VANGL1: variants seen among roughly 807,000 people sequenced by gnomAD.
VANGL1 encodes the protein vang-like protein 1.
Under a neutral mutation model 48.4 loss-of-function variants are expected in VANGL1, and 18 were observed. The ratio of observed to expected loss-of-function variants is 0.37; its 90% CI spans 0.26 to 0.55. VANGL1 has a LOEUF of 0.55. Ranked by LOEUF, VANGL1 falls within the 20% of genes least tolerant of loss-of-function variation. The pLI is 0.81. For missense variants in VANGL1, 667 were observed against 675.8 expected (o/e 0.99, Z 0.14); for synonymous variants, 257 against 261.8 (o/e 0.98, Z 0.18).
intron 3 of VANGL1, among the ~76,000 whole-genome samples, chr1:115,661,287 G>A (rs1652536340): frequency 6.6e-6 from 1 of 151,958 alleles, no homozygotes; most frequent in Non-Finnish European, 1.5e-5. Flanking sequence ...CATGTTTTAG[G>A]CATACATGTG....
chr1:115,678,636 A>G (rs1286034379), intron 4 of VANGL1, among the ~76,000 whole-genome samples: 2 of 152,144 alleles, frequency 1.3e-5, no homozygotes, highest in African/African-American at 4.8e-5. Flanking sequence ...CTTAAATCAT[A>G]TATCACATAG....
chr1:115,674,180 G>C (rs1031586077), intron 4 of VANGL1, among the ~76,000 whole-genome samples: 2 of 152,126 alleles, frequency 1.3e-5, no homozygotes, highest in African/African-American at 4.8e-5. Context: ...GTTGTCCCTG[G>C]TGTGACCATC....
chr1:115,671,646 G>A (rs973576899), intron 4 of VANGL1, among the ~76,000 whole-genome samples: 4 of 152,180 alleles, frequency 2.6e-5, no homozygotes, highest in Admixed American at 6.5e-5. Context: ...AATTTAAGAC[G>A]TGGAGAGAGC....
At chr1:115,690,719 A>C (rs1653798604) in intron 7 of VANGL1, among the ~76,000 whole-genome samples, 1 of 152,234 alleles carries the variant, frequency 6.6e-6, no homozygotes, top group South Asian at 2.1e-4. Flanking sequence ...GGCCCGACAC[A>C]GCCCTGGCCC....
intron 7 of VANGL1, among the ~76,000 whole-genome samples, chr1:115,686,031 T>C (rs1459920315): frequency 6.6e-6 from 1 of 152,106 alleles, no homozygotes; most frequent in African/African-American, 2.4e-5. Context: ...AAAAAACAGC[T>C]ACCAAATGTT....
At chr1:115,682,735 G>A (rs748477907) in intron 5 of VANGL1, among the ~76,000 whole-genome samples, 40 of 152,268 alleles carry the variant, frequency 2.6e-4, no homozygotes, top group Admixed American at 6.5e-4. Flanking sequence ...AAACAGCAGC[G>A]GTGTGTGTTT....
In VANGL1 at chr1:115,685,440, G is replaced by A. The variant is rs1372323853; in HGVS notation, c.1227G>A (p.Leu409=). 6.2e-7 allele frequency: 1 copy of A among 1,614,130 alleles called. No homozygotes were observed. The highest frequency in any genetic ancestry group is 1.7e-5 in the Admixed American group (1 of 60,022). ...TGGCCAGGGCTCTCCAGAAGTACCT[G>A]CGCATCACCCGGCAGCAGAACTACC... The part of the protein sequence containing the change: ...PSMARALQKY[L]RITRQQNYHS... The change falls in exon 7 of 8, where the codon CTG becomes CTA. Residue 409 remains leucine, a synonymous_variant. Coordinates refer to ENST00000355485, the MANE Select transcript of VANGL1 (RefSeq NM_138959.3).
At chr1:115,682,311 A>G in intron 4 of VANGL1, 53 bp from the exon 5 acceptor site, 1 of 1,609,200 alleles carries the variant, frequency 6.2e-7, no homozygotes, top group Non-Finnish European at 8.5e-7. Context: ...TTCGTTTAGG[A>G]CCTGCTTCTT....
Position 115,691,146 on chromosome 1 carries a change from G to A in VANGL1, c.1342G>A (p.Gly448Ser). 1 of 1,614,142 alleles carries A rather than the reference G, an allele frequency of 6.2e-7. No homozygotes were observed. ...KAFLERYLSA[G>S]PTLQYDKDRW... The stretch of plus-strand genomic sequence containing the variant: ...CTTCCTAGAACGGTACCTCAGTGCG[G>A]GCCCCACCCTGCAATATGACAAGGA... The change falls in exon 8 of 8, where the codon GGC (glycine) becomes AGC (serine). Residue 448 changes from glycine (G) to serine (S), a missense_variant. Physicochemically the swap from Gly to Ser is moderately conservative, Grantham distance 56. Coordinates refer to ENST00000355485, the MANE Select transcript of VANGL1 (RefSeq NM_138959.3).
In VANGL1 at chr1:115,691,527, C is replaced by A; in HGVS notation, c.*148C>A. 1 of 917,244 alleles carries A rather than the reference C, an allele frequency of 1.1e-6. No individual in the cohort carries two copies. Among genetic ancestry groups the A allele is most frequent in the Non-Finnish European group, 1.6e-6 (1 of 634,052 alleles). 56.8% of individuals were successfully genotyped at this position (917,244 alleles called of 1,614,324 possible). ...TTGACCAGTATCCTTTGACCATCTG[C>A]ACTTTATTTGGAAGGAAGCAGGGGC... On this transcript the variant is annotated 3_prime_UTR_variant, in exon 8 of 8. Coordinates refer to ENST00000355485, the MANE Select transcript of VANGL1 (RefSeq NM_138959.3).
In VANGL1 at chr1:115,694,799, A is replaced by T. The variant is rs868488739; in HGVS notation, c.*3420A>T. ...TTTCTCTGAGTGTATTACCAGACGG[A>T]TAGCACATTTATATGTCAGACATCT... On this transcript the variant is annotated 3_prime_UTR_variant, in exon 8 of 8. Coordinates refer to ENST00000355485, the MANE Select transcript of VANGL1 (RefSeq NM_138959.3). 1 of 152,206 alleles carries T rather than the reference A, an allele frequency of 6.6e-6. No homozygotes were observed. Among genetic ancestry groups the T allele is most frequent in the African/African-American group, 2.4e-5 (1 of 41,442 alleles). 9.4% of individuals were successfully genotyped at this position (152,206 alleles called of 1,614,324 possible). A position where few individuals can be genotyped will look rare whatever the true frequency, so the allele number is the denominator to read the frequency against.
Position 115,693,787 on chromosome 1 carries a change from A to G in VANGL1, c.*2408A>G, listed in dbSNP as rs1301546698. On this transcript the variant is annotated 3_prime_UTR_variant, in exon 8 of 8. Coordinates refer to ENST00000355485, the MANE Select transcript of VANGL1 (RefSeq NM_138959.3). ...AAGATTTAAGGTTTCAGAAAGCTGCATCCCACAATTGAACACAATGCATTT... is the reference window on the plus strand; with the variant it reads ...AAGATTTAAGGTTTCAGAAAGCTGCGTCCCACAATTGAACACAATGCATTT... The G allele has an allele frequency of 6.6e-6, 1 of 152,252 alleles. No homozygotes were observed. Among genetic ancestry groups the G allele is most frequent in the Non-Finnish European group, 1.5e-5 (1 of 68,044 alleles). The allele number at this position is 152,252 out of a possible 1,614,324, so 9.4% of individuals were successfully genotyped here. A position where few individuals can be genotyped will look rare whatever the true frequency, so the allele number is the denominator to read the frequency against.
At chr1:115,642,257 T>TCC (rs1328158593) in intron 1 of VANGL1, among the ~76,000 whole-genome samples, 171 bp downstream of exon 1, 1 of 151,676 alleles carries the variant, frequency 6.6e-6, no homozygotes, top group Non-Finnish European at 1.5e-5. Flanking sequence ...GGGGGCTCCC[T>TCC]CCCCTCCTCC....
chr1:115,648,597 T>C (rs957841525), intron 1 of VANGL1, among the ~76,000 whole-genome samples: 7 of 152,184 alleles, frequency 4.6e-5, no homozygotes, highest in Admixed American at 3.3e-4. Context: ...AAAACTTGGG[T>C]TACCATGTGC....
chr1:115,653,918 T>TA (rs1477271752), intron 2 of VANGL1, among the ~76,000 whole-genome samples: 1 of 152,122 alleles, frequency 6.6e-6, no homozygotes, highest in African/African-American at 2.4e-5. Flanking sequence ...AAAACACCAC[T>TA]ACCACCTACG....
At chr1:115,672,569 A>G (rs541075308) in intron 4 of VANGL1, among the ~76,000 whole-genome samples, 4 of 151,642 alleles carry the variant, frequency 2.6e-5, no homozygotes, top group African/African-American at 9.7e-5. Flanking sequence ...TCTATCTTGA[A>G]AGTCCAACCA....
rs547390913 is a variant in VANGL1 at position 115,685,303 on chromosome 1, G to T, written c.1090G>T (p.Ala364Ser). Residue 364 changes from alanine to serine, a missense_variant, in exon 7 of 8, where the codon GCA (alanine) becomes TCA (serine). Transcript: ENST00000355485. Reference sequence around the variant, plus strand: ...TGCATCACCTTCTAGGCTGGTGGTTGCAGTGGAAGAGGCCTTCATCCACAT... The same window carrying T: ...TGCATCACCTTCTAGGCTGGTGGTTTCAGTGGAAGAGGCCTTCATCCACAT... ...VKKRKARLVV[A>S]VEEAFIHIQR... is the part of the protein sequence containing the mutation. The T allele has an allele frequency of 6.2e-7, 1 of 1,614,146 alleles. No homozygotes were observed. The highest frequency in any genetic ancestry group is 1.7e-5 in the Admixed American group (1 of 60,016).
rs2101041938 is a variant in VANGL1, at chr1:115,692,155, A to G, written c.*776A>G. The G allele has an allele frequency of 6.5e-6, 1 of 152,794 alleles. No individual in the cohort carries two copies. Among genetic ancestry groups the G allele is most frequent in the Middle Eastern group, 3.4e-3 (1 of 298 alleles). The allele number at this position is 152,794 out of a possible 1,614,324, so 9.5% of individuals were successfully genotyped here. On this transcript the variant is annotated 3_prime_UTR_variant, in exon 8 of 8. Transcript: ENST00000355485. The stretch of plus-strand genomic sequence containing the variant: ...GCCCTCCGGCTCTGTGTGAAGCCTC[A>G]AGTCAGTCCCAGCATTGTTTCCATA...
intron 7 of VANGL1, among the ~76,000 whole-genome samples, chr1:115,686,167 A>G (rs1199626549): frequency 6.6e-6 from 1 of 152,152 alleles, no homozygotes; most frequent in African/African-American, 2.4e-5. Flanking sequence ...CCTCATTGAT[A>G]CAACAGCAAA....
Sources: gnomAD v4.1 joint callset for allele counts (sites outside exome capture counted in the v4.1 genomes callset) on GRCh38, gnomAD v4.1.1 for gene constraint, MANE v1.5 for transcripts, NCBI Gene and HGNC (gene_info 2026-07-23, HGNC 2026-07-21) for gene names.